Variants in CYP2C19 observed in about 807,000 individuals in gnomAD.
CYP2C19 encodes cytochrome P450 family 2 subfamily C member 19, also known as cytochrome P450 2C19.
A neutral mutation model predicts 40.9 loss-of-function variants in CYP2C19; 59 were observed. The observed-to-expected ratio is 1.44, with a 90% CI of 1.17 to 1.79. CYP2C19 has a LOEUF of 1.79. Ranked by LOEUF, CYP2C19 falls within the 40% of genes most tolerant of loss-of-function variation. The pLI is 0.00. For synonymous variants in CYP2C19, 253 were observed against 208.7 expected (o/e 1.21, Z -1.83); for missense variants, 754 against 596.9 (o/e 1.26, Z -2.74).
intron 5 of CYP2C19, among the ~76,000 whole-genome samples, chr10:94,806,559 GTTGTTTTCTT>G (rs765778156): frequency 3.8e-4 from 57 of 150,242 alleles, no homozygotes; most frequent in African/African-American, 1.3e-3. Context: ...ATTCTCACTT[GTTGTTTTCTT>G]TTGTTTTCTT....
At chr10:94,804,899 GT>G (rs1280771155) in intron 5 of CYP2C19, among the ~76,000 whole-genome samples, 1 of 152,120 alleles carries the variant, frequency 6.6e-6, no homozygotes, top group Non-Finnish European at 1.5e-5. Context: ...CTTTAGCAAT[GT>G]TTAATAGTTT....
intron 5 of CYP2C19, among the ~76,000 whole-genome samples, chr10:94,791,977 A>G (rs934917243): frequency 6.6e-6 from 1 of 152,070 alleles, no homozygotes; most frequent in Admixed American, 6.6e-5. Flanking sequence ...AAAGCCTCCC[A>G]TTATTATTGT....
intron 8 of CYP2C19, among the ~76,000 whole-genome samples, chr10:94,852,454 T>G (rs946630465): frequency 2.0e-5 from 3 of 152,208 alleles, no homozygotes; most frequent in African/African-American, 7.2e-5. Flanking sequence ...CAATAAACAT[T>G]TGTTGAATAC....
At chr10:94,792,081 CTCT>C (rs1286462654) in intron 5 of CYP2C19, among the ~76,000 whole-genome samples, 1 of 152,084 alleles carries the variant, frequency 6.6e-6, no homozygotes, top group African/African-American at 2.4e-5. Context: ...GGATAGTTAG[CTCT>C]TCTTGTTGAA....
chr10:94,850,038 A>G lies in CYP2C19; in HGVS notation c.1271A>G (p.Tyr424Cys), dbSNP rs766739784. 3 of 1,613,456 alleles carry G rather than the reference A, an allele frequency of 1.9e-6. No individual in the cohort carries two copies. The highest frequency in any genetic ancestry group is 1.1e-5 in the South Asian group (1 of 91,076). ...GGTGGAAATTTTAAGAAAAGTAACTACTTCATGCCTTTCTCAGCAGGTAAT... is the reference window on the plus strand; with the variant it reads ...GGTGGAAATTTTAAGAAAAGTAACTGCTTCATGCCTTTCTCAGCAGGTAAT... ...DEGGNFKKSN[Y>C]FMPFSAGKRI... Residue 424 changes from tyrosine to cysteine, a missense_variant, in exon 8 of 9, where the codon TAC (tyrosine) becomes TGC (cysteine). Tyr to Cys is a radical substitution (Grantham distance 194, BLOSUM62 -2). Coordinates refer to ENST00000371321, the MANE Select transcript of CYP2C19 (RefSeq NM_000769.4).
chr10:94,775,769 T>C (rs1391730969), intron 3 of CYP2C19: 2 of 632,250 alleles, frequency 3.2e-6, no homozygotes, highest in Admixed American at 6.1e-5. Context: ...TTTAATCCTA[T>C]GTTCTCCTGA....
Position 94,780,659 on chromosome 10 carries a change from G to A in CYP2C19, c.642G>A (p.Gln214=), listed in dbSNP as rs751623882. ...NIRIVSTPWI[Q]ICNNFPTIID... is the part of the protein sequence containing the mutation. ...GGATTGTAAGCACCCCCTGGATCCAGGTAAGGCCAAGTTTTTTGCTTCCTG... is the reference window on the plus strand; with the variant it reads ...GGATTGTAAGCACCCCCTGGATCCAAGTAAGGCCAAGTTTTTTGCTTCCTG... Residue 214 remains glutamine (Q), a splice_region_variant and synonymous_variant, in exon 4 of 9, where the codon CAG becomes CAA. Transcript: ENST00000371321. The A allele has an allele frequency of 2.0e-5, 32 of 1,613,298 alleles. No homozygotes were observed. The highest frequency in any genetic ancestry group is 4.5e-5 in the East Asian group (2 of 44,872).
intron 6 of CYP2C19, among the ~76,000 whole-genome samples, chr10:94,833,690 T>A (rs1304042685): frequency 6.6e-6 from 1 of 152,232 alleles, no homozygotes; most frequent in Non-Finnish European, 1.5e-5. Context: ...CAAGTGTTTT[T>A]AATGAATTTT....
At chr10:94,832,538 A>ATGTCAGC (rs1849350701) in intron 6 of CYP2C19, among the ~76,000 whole-genome samples, 1 of 152,160 alleles carries the variant, frequency 6.6e-6, no homozygotes, top group Non-Finnish European at 1.5e-5. Flanking sequence ...CAGCCAAACC[A>ATGTCAGC]TGTCAGCACC....
intron 6 of CYP2C19, among the ~76,000 whole-genome samples, chr10:94,836,504 G>A (rs990547951): frequency 1.3e-5 from 2 of 152,178 alleles, no homozygotes; most frequent in East Asian, 1.9e-4. Context: ...TGTTTCAGGT[G>A]TCCATCTTAC....
chr10:94,830,652 GT>G (rs1383492604), intron 6 of CYP2C19, among the ~76,000 whole-genome samples: 2 of 152,068 alleles, frequency 1.3e-5, no homozygotes, highest in Non-Finnish European at 2.9e-5. Flanking sequence ...GACCAGAGCT[GT>G]TCCTATTCAG....
intron 6 of CYP2C19, among the ~76,000 whole-genome samples, chr10:94,821,879 T>A (rs974766012): frequency 6.6e-6 from 1 of 152,098 alleles, no homozygotes; most frequent in African/African-American, 2.4e-5. Flanking sequence ...GTCCCAACTA[T>A]TTCATCACCC....
Position 94,775,176 on chromosome 10 carries a change from G to A in CYP2C19, c.287G>A (p.Gly96Glu). The change falls in exon 2 of 9, where the codon GGA (glycine) becomes GAA (glutamate). Residue 96 changes from glycine to glutamate, a missense_variant. Gly to Glu is a moderately conservative substitution (Grantham distance 98). Coordinates refer to ENST00000371321, the MANE Select transcript of CYP2C19 (RefSeq NM_000769.4). The stretch of plus-strand genomic sequence containing the variant: ...ATTGATCTTGGAGAGGAGTTTTCTG[G>A]AAGAGGCCATTTCCCACTGGCTGAA... ...ALIDLGEEFSGRGHFPLAERA... is the reference protein window; with the variant it reads ...ALIDLGEEFSERGHFPLAERA... 1 of 1,614,094 alleles carries A rather than the reference G, an allele frequency of 6.2e-7. No homozygotes were observed. Among genetic ancestry groups the A allele is most frequent in the Non-Finnish European group, 8.5e-7 (1 of 1,180,018 alleles).
Position 94,820,540 on chromosome 10 carries a change from A to C in CYP2C19, c.864A>C (p.Val288=). The change falls in exon 6 of 9, where the codon GTA becomes GTC. Residue 288 remains valine, a synonymous_variant. Transcript: ENST00000371321. Reference sequence around the variant, plus strand: ...CTGAATTCACTATTGAAAACTTGGTAATCACTGCAGCTGACTTACTTGGAG... The same window carrying C: ...CTGAATTCACTATTGAAAACTTGGTCATCACTGCAGCTGACTTACTTGGAG... ...QQSEFTIENL[V]ITAADLLGAG... The C allele has an allele frequency of 6.2e-7, 1 of 1,614,196 alleles. No individual in the cohort carries two copies. The highest frequency in any genetic ancestry group is 2.2e-5 in the East Asian group (1 of 44,874).
At chr10:94,775,030 T>A in intron 1 of CYP2C19, 28 bp from the exon 2 acceptor site, 2 of 1,610,440 alleles carry the variant, frequency 1.2e-6, no homozygotes, top group East Asian at 4.5e-5. Flanking sequence ...GTGACTTCAT[T>A]TGCTGTTAAC....
chr10:94,837,788 G>A (rs1168419953), intron 6 of CYP2C19, among the ~76,000 whole-genome samples: 1 of 152,146 alleles, frequency 6.6e-6, no homozygotes, highest in Non-Finnish European at 1.5e-5. Flanking sequence ...GCTGGGGCTT[G>A]CCCCAGGCAC....
At position 94,785,509 on chromosome 10, in the gene CYP2C19, C is replaced by A. The variant is rs180996210; in HGVS notation, c.819+3512C>A. On this transcript the variant is annotated intron_variant, in intron 5 of 8. Transcript: ENST00000371321. ...TTTATTTCTTGATTTCAGTTTTATT[C>A]CATTGGTCTTGATGTCTATCTTTAT... is the stretch of plus-strand genomic sequence containing the variant. 2.0e-5 allele frequency among the ~76,000 whole-genome samples: 3 copies of A among 152,142 alleles called. No homozygotes were observed. The East Asian group carries it at 5.8e-4, about 29-fold the overall frequency.
At chr10:94,789,786 C>T (rs1420582844) in intron 5 of CYP2C19, among the ~76,000 whole-genome samples, 4 of 152,088 alleles carry the variant, frequency 2.6e-5, no homozygotes, top group Non-Finnish European at 5.9e-5. Flanking sequence ...ATGATGCCTC[C>T]AGCTTTGTTC....
chr10:94,778,715 C>T (rs1371953443), intron 3 of CYP2C19, among the ~76,000 whole-genome samples: 1 of 151,976 alleles, frequency 6.6e-6, no homozygotes, highest in Non-Finnish European at 1.5e-5. Flanking sequence ...GGCGATTCCT[C>T]AATGCTAGAA....
Sources: gnomAD v4.1 joint callset for allele counts (sites outside exome capture counted in the v4.1 genomes callset) on GRCh38, gnomAD v4.1.1 for gene constraint, MANE v1.5 for transcripts, NCBI Gene and HGNC (gene_info 2026-07-23, HGNC 2026-07-21) for gene names.